AFG2A: variants seen among roughly 807,000 people sequenced by gnomAD.
AFG2A encodes the protein AAA ATPase AFG2A.
the AFG2A span, among the ~76,000 whole-genome samples, chr4:123,191,056 A>C: frequency 6.6e-6 from 1 of 152,148 alleles, no homozygotes; most frequent in Non-Finnish European, 1.5e-5. Flanking sequence ...TGGACTGCTA[A>C]CTTCTGTTAG....
the AFG2A span, among the ~76,000 whole-genome samples, chr4:123,014,536 T>C: frequency 1.1e-4 from 17 of 152,202 alleles, no homozygotes; most frequent in African/African-American, 4.1e-4. Context: ...TAATTTATTA[T>C]ATTTATAAGG....
the AFG2A span, among the ~76,000 whole-genome samples, chr4:123,063,389 T>C: frequency 6.6e-6 from 1 of 152,212 alleles, no homozygotes; most frequent in African/African-American, 2.4e-5. Context: ...AGCTATCATC[T>C]GTTTTCTATG....
At chr4:123,300,102 C>T in the AFG2A span, among the ~76,000 whole-genome samples, 1 of 151,998 alleles carries the variant, frequency 6.6e-6, no homozygotes, top group African/African-American at 2.4e-5. Context: ...TTGCTGAATT[C>T]GACACAAACC....
the AFG2A span, among the ~76,000 whole-genome samples, chr4:123,219,928 G>T: frequency 6.6e-6 from 1 of 151,754 alleles, no homozygotes; most frequent in African/African-American, 2.4e-5. Context: ...GGAGTGCAGT[G>T]GTGAGATCTT....
the AFG2A span, chr4:123,256,817 T>C: frequency 4.1e-6 from 4 of 984,378 alleles, no homozygotes; most frequent in East Asian, 4.5e-4. Context: ...ATTTTTTCTC[T>C]CCTTACCAAC....
At chr4:123,017,756 A>C in the AFG2A span, among the ~76,000 whole-genome samples, 1 of 152,064 alleles carries the variant, frequency 6.6e-6, no homozygotes, top group African/African-American at 2.4e-5. Flanking sequence ...TGACTGCCTG[A>C]CTTCTTGTCC....
chr4:123,141,157 A>G, the AFG2A span, among the ~76,000 whole-genome samples: 1 of 152,238 alleles, frequency 6.6e-6, no homozygotes, highest in African/African-American at 2.4e-5. Context: ...ATGATTTTAA[A>G]AGAAAGTTTC....
At chr4:123,316,569 G>A in the AFG2A span, 1 of 152,104 alleles carries the variant, frequency 6.6e-6, no homozygotes, top group Non-Finnish European at 1.5e-5. Flanking sequence ...ATATGGCTAA[G>A]GGCACAAGAA....
the AFG2A span, chr4:122,979,110 G>A: frequency 1.7e-6 from 2 of 1,179,266 alleles, no homozygotes; most frequent in Admixed American, 2.6e-5. Flanking sequence ...CCCTGGCCAC[G>A]CCTCCCCCAC....
chr4:123,156,290 T>G, the AFG2A span, among the ~76,000 whole-genome samples: 1 of 152,146 alleles, frequency 6.6e-6, no homozygotes, highest in Non-Finnish European at 1.5e-5. Flanking sequence ...TATAGAAGTT[T>G]GAACCAGGGG....
the AFG2A span, among the ~76,000 whole-genome samples, chr4:123,011,764 A>G: frequency 6.6e-6 from 1 of 152,106 alleles, no homozygotes; most frequent in Non-Finnish European, 1.5e-5. Flanking sequence ...GAGAAGAAGG[A>G]GGAATGGAGG....
chr4:122,938,427 A>G, the AFG2A span, among the ~76,000 whole-genome samples: 1 of 152,242 alleles, frequency 6.6e-6, no homozygotes, highest in African/African-American at 2.4e-5. Context: ...TTACTTAGTA[A>G]CTGCTAGGAC....
chr4:122,961,430 A>G, the AFG2A span, among the ~76,000 whole-genome samples: 1 of 152,202 alleles, frequency 6.6e-6, no homozygotes. Flanking sequence ...CTGAATCTGA[A>G]TCAGTAAAAA....
the AFG2A span, among the ~76,000 whole-genome samples, chr4:123,026,256 C>T: frequency 1.3e-5 from 2 of 152,118 alleles, no homozygotes; most frequent in East Asian, 3.9e-4. Flanking sequence ...GCTGAGTGTG[C>T]TGGAGTGAGG....
chr4:123,311,764 TAAC>T, the AFG2A span, among the ~76,000 whole-genome samples: 8 of 151,564 alleles, frequency 5.3e-5, no homozygotes, highest in African/African-American at 1.9e-4. Flanking sequence ...CCTAATGATA[TAAC>T]ATTTCCCACT....
At chr4:123,140,497 G>GTTTT in the AFG2A span, among the ~76,000 whole-genome samples, 1 of 143,572 alleles carries the variant, frequency 7.0e-6, no homozygotes, top group Non-Finnish European at 1.5e-5. Context: ...AGAGGATAAG[G>GTTTT]TTTTTTTTTT....
the AFG2A span, among the ~76,000 whole-genome samples, chr4:123,215,026 A>G: frequency 1.3e-5 from 2 of 152,044 alleles, no homozygotes; most frequent in Middle Eastern, 3.2e-3. Flanking sequence ...TTGTGCATCA[A>G]CTGTAATTCA....
the AFG2A span, among the ~76,000 whole-genome samples, chr4:122,964,399 G>A: frequency 6.6e-6 from 1 of 151,838 alleles, no homozygotes; most frequent in Admixed American, 6.6e-5. Flanking sequence ...AGCTGCTTGG[G>A]AGGCTGAGGC....
At chr4:123,128,659 T>C in the AFG2A span, among the ~76,000 whole-genome samples, 4 of 152,150 alleles carry the variant, frequency 2.6e-5, no homozygotes, top group Non-Finnish European at 5.9e-5. Flanking sequence ...ATATACTTAA[T>C]TATTATAGCT....
Sources: allele counts gnomAD v4.1 joint callset (sites outside exome capture counted in the v4.1 genomes callset), GRCh38; gene constraint gnomAD v4.1.1; transcripts MANE v1.5; gene names NCBI Gene and HGNC (gene_info 2026-07-23, HGNC 2026-07-21).